The following CILP variants were observed in gnomAD, a reference collection of about 807,000 sequenced individuals.
The protein encoded by CILP is cartilage intermediate layer protein.
A neutral mutation model predicts 82.5 loss-of-function variants in CILP; 75 were observed. The observed-to-expected ratio is 0.91, with a 90% CI of 0.75 to 1.10. CILP has a LOEUF of 1.10. Among genes scored for constraint, CILP ranks in the 50% least tolerant of loss-of-function variants. The pLI is 0.00. For missense variants in CILP, 1,479 were observed against 1,530.8 expected (o/e 0.97, Z 0.56); for synonymous variants, 530 against 580.3 (o/e 0.91, Z 1.25).
rs747315095 is a variant in CILP at position 65,206,892 on chromosome 15, G to A, written c.314C>T (p.Thr105Ile). The change falls in exon 4 of 9, where the codon ACT becomes ATT. Residue 105 changes from threonine (T) to isoleucine (I), a missense_variant. By Grantham distance (89) the Thr-to-Ile change is moderately conservative. Transcript: ENST00000261883. ...GGGACTACCATGGACCACCTGGCCAGTGCTGCCCGCAGGTGTCCAGTCAGT... is the reference window on the plus strand; with the variant it reads ...GGGACTACCATGGACCACCTGGCCAATGCTGCCCGCAGGTGTCCAGTCAGT... ...RTTDWTPAGSTGQVVHGSPRE... is the reference protein window; with the variant it reads ...RTTDWTPAGSIGQVVHGSPRE... The A allele has an allele frequency of 6.2e-7, 1 of 1,614,014 alleles. No individual in the cohort carries two copies.
intron 7 of CILP, among the ~76,000 whole-genome samples, chr15:65,202,296 T>C (rs2140677223): frequency 6.6e-6 from 1 of 152,348 alleles, no homozygotes; most frequent in Admixed American, 6.5e-5. Context: ...TTCAGCTTTC[T>C]GGTCTATAAA....
chr15:65,209,732 C>T lies in CILP; in HGVS notation c.24G>A (p.Val8=), dbSNP rs141650348. 242 of 1,614,104 alleles carry T rather than the reference C, an allele frequency of 1.5e-4. 2 individuals carry two copies. In the African/African-American group the frequency reaches 2.8e-3, roughly 18 times the overall value. The change falls in exon 2 of 9, where the codon GTG becomes GTA. Residue 8 remains valine, a synonymous_variant. Transcript: ENST00000261883. Reference sequence around the variant, plus strand: ...TGACTTCCAGGACCAGGAAGGAGAACACCCAGGCCTTGGTCCCCACCATCT... The same window carrying T: ...TGACTTCCAGGACCAGGAAGGAGAATACCCAGGCCTTGGTCCCCACCATCT... The part of the protein sequence containing the change: MVGTKAW[V]FSFLVLEVTS...
chr15:65,197,251 C>T lies in CILP; in HGVS notation c.3035G>A (p.Gly1012Glu), dbSNP rs139939938. ...SAACLEFKCS[G>E]MLYDQDRVDR... is the part of the protein sequence containing the mutation. ...CACACGGTCCTGATCATAGAGCATCCCACTGCACTTGAACTCCAGACAGGC... is the reference window on the plus strand; with the variant it reads ...CACACGGTCCTGATCATAGAGCATCTCACTGCACTTGAACTCCAGACAGGC... Residue 1012 changes from glycine to glutamate, a missense_variant, in exon 9 of 9, where the codon GGG becomes GAG. Transcript: ENST00000261883. 31 of 1,614,118 alleles carry T rather than the reference C, an allele frequency of 1.9e-5. No individual in the cohort carries two copies. In the African/African-American group the frequency reaches 3.2e-4, roughly 17 times the overall value.
Position 65,198,156 on chromosome 15 carries a change from C to T in CILP, c.2130G>A (p.Glu710=), listed in dbSNP as rs754098502. ...SLNPDTGLWE[E]EGDFKFENQR... is the part of the protein sequence containing the mutation. The stretch of plus-strand genomic sequence containing the variant: ...GATTTTCAAATTTGAAATCACCTTC[C>T]TCCTCCCACAGCCCTGTGTCTGGAT... The change falls in exon 9 of 9, where the codon GAG becomes GAA. Residue 710 remains glutamate (E), a synonymous_variant. Transcript: ENST00000261883. 1.1e-5 allele frequency: 17 copies of T among 1,614,226 alleles called. No individual in the cohort carries two copies. The South Asian group carries it at 1.8e-4, about 17-fold the overall frequency.
Position 65,198,884 on chromosome 15 carries a change from T to G in CILP, c.1402A>C (p.Ser468Arg), listed in dbSNP as rs2088416318. 6.2e-7 allele frequency: 1 copy of G among 1,613,928 alleles called. No individual in the cohort carries two copies. The highest frequency in any genetic ancestry group is 1.7e-5 in the Admixed American group (1 of 60,008). ...ACCTTGGTGGGTAGCGTGTAGCCACTGCACTGGATCTCCCTTTCCTCTGTC... is the reference window on the plus strand; with the variant it reads ...ACCTTGGTGGGTAGCGTGTAGCCACGGCACTGGATCTCCCTTTCCTCTGTC... Reference protein sequence around the residue: ...SKTEEREIQCSGYTLPTKVAK... With the variant: ...SKTEEREIQCRGYTLPTKVAK... The change falls in exon 9 of 9, where the codon AGT becomes CGT. Residue 468 changes from serine (S) to arginine (R), a missense_variant. By Grantham distance (110) the Ser-to-Arg change is moderately radical (BLOSUM62 -1). Transcript: ENST00000261883.
chr15:65,211,221 T>G, intron 1 of CILP, among the ~76,000 whole-genome samples: 1 of 149,346 alleles, frequency 6.7e-6, no homozygotes. Flanking sequence ...TGTCCTCAGG[T>G]GGGGGAGGGA....
Position 65,196,934 on chromosome 15 carries a change from T to G in CILP, c.3352A>C (p.Asn1118His). 3.1e-6 allele frequency: 5 copies of G among 1,613,570 alleles called. No individual in the cohort carries two copies. The highest frequency in any genetic ancestry group is 4.2e-6 in the Non-Finnish European group (5 of 1,179,774). ...CGGCCTACTTGCCTCTCTACACAGT[T>G]GAAGGTGAGGGCTACTCCCACATTG... ...KSNVGVALTF[N>H]CVERQVGRQS... is the part of the protein sequence containing the mutation. Residue 1118 changes from asparagine to histidine, a missense_variant, in exon 9 of 9, where the codon AAC becomes CAC. Transcript: ENST00000261883.
intron 1 of CILP, among the ~76,000 whole-genome samples, chr15:65,210,871 C>T (rs908759698): frequency 2.0e-5 from 3 of 152,172 alleles, no homozygotes; most frequent in African/African-American, 4.8e-5. Context: ...GTCACCAGGA[C>T]GTCCCAAAGG....
chr15:65,208,045 A>G (rs535545369), intron 2 of CILP, among the ~76,000 whole-genome samples: 2 of 152,256 alleles, frequency 1.3e-5, no homozygotes, highest in South Asian at 4.1e-4. Flanking sequence ...TGTAGTGCAC[A>G]CTCAGTGAAT....
chr15:65,197,031 G>A lies in CILP; in HGVS notation c.3255C>T (p.Arg1085=), dbSNP rs769889393. The change falls in exon 9 of 9, where the codon CGC becomes CGT. Residue 1085 remains arginine, a synonymous_variant. Transcript: ENST00000261883. ...GGCCGAGCGCGATCTCCTTGGCCGTGCGAGGGTCCTGGTCAGTGACAGTGT... is the reference window on the plus strand; with the variant it reads ...GGCCGAGCGCGATCTCCTTGGCCGTACGAGGGTCCTGGTCAGTGACAGTGT... The part of the protein sequence containing the change: ...GIYTVTDQDP[R]TAKEIALGRC... 1 of 1,614,222 alleles carries A rather than the reference G, an allele frequency of 6.2e-7. No individual in the cohort carries two copies. The highest frequency in any genetic ancestry group is 1.7e-5 in the Admixed American group (1 of 60,034).
intron 8 of CILP, among the ~76,000 whole-genome samples, chr15:65,200,797 G>A (rs1331145037): frequency 6.6e-6 from 1 of 152,178 alleles, no homozygotes; most frequent in African/African-American, 2.4e-5. Flanking sequence ...AGACTCTCTG[G>A]AGGTAAGACT....
intron 4 of CILP, 75 bp from the exon 5 acceptor site, chr15:65,205,541 G>A: frequency 7.1e-7 from 1 of 1,401,472 alleles, no homozygotes; most frequent in South Asian, 1.4e-5. Context: ...CCCTGAGGCT[G>A]TTTCTTCTCT....
At position 65,195,094 on chromosome 15, in the gene CILP, C is replaced by T. The variant is rs1317592106; in HGVS notation, c.*1637G>A. The T allele has an allele frequency of 6.6e-6, 1 of 152,196 alleles. No individual in the cohort carries two copies. Among genetic ancestry groups the T allele is most frequent in the East Asian group, 1.9e-4 (1 of 5,202 alleles). The allele number at this position is 152,196 out of a possible 1,614,324, so 9.4% of individuals were successfully genotyped here. On this transcript the variant is annotated 3_prime_UTR_variant, in exon 9 of 9. Transcript: ENST00000261883. ...AGTTGCAATCACAAGACCACTAGTCCTCACTCCTGCAGATGCTTGCTTTTT... is the reference window on the plus strand; with the variant it reads ...AGTTGCAATCACAAGACCACTAGTCTTCACTCCTGCAGATGCTTGCTTTTT...
In CILP at chr15:65,194,864, C is replaced by A. The variant is rs991935477; in HGVS notation, c.*1867G>T. The stretch of plus-strand genomic sequence containing the variant: ...CACCTTCCCCAGCAACCCACCCCCC[C>A]CCGACCCTCCCCCTCCCCCCGTGAG... On this transcript the variant is annotated 3_prime_UTR_variant, in exon 9 of 9. Transcript: ENST00000261883. 2.0e-5 allele frequency: 3 copies of A among 146,358 alleles called. No individual in the cohort carries two copies. Among genetic ancestry groups the A allele is most frequent in the South Asian group, 2.3e-4 (1 of 4,412 alleles). The allele number at this position is 146,358 out of a possible 1,614,324, so 9.1% of individuals were successfully genotyped here. A position where few individuals can be genotyped will look rare whatever the true frequency, so the allele number is the denominator to read the frequency against.
chr15:65,198,258 G>A lies in CILP; in HGVS notation c.2028C>T (p.Gly676=), dbSNP rs1449610303. 1.2e-6 allele frequency: 2 copies of A among 1,614,240 alleles called. No individual in the cohort carries two copies. Among genetic ancestry groups the A allele is most frequent in the Non-Finnish European group, 1.7e-6 (2 of 1,180,048 alleles). Residue 676 remains glycine, a synonymous_variant, in exon 9 of 9, where the codon GGC becomes GGT. Transcript: ENST00000261883. ...TCGAGTCAAGGTGGACCTTCACTTT[G>A]CCAGCATTAAGTGGCTCTGAGGTGA... ...DEVTSEPLNA[G]KVKVHLDSTQ...
Position 65,209,794 on chromosome 15 carries a change from T to G in CILP, c.-39A>C, listed in dbSNP as rs16948565. The G allele has an allele frequency of 2.6e-3, 4,181 of 1,596,676 alleles. 91 individuals carry two copies. In the African/African-American group the frequency reaches 0.048, roughly 18 times the overall value. On this transcript the variant is annotated 5_prime_UTR_variant, in exon 2 of 9. Coordinates refer to ENST00000261883, the MANE Select transcript of CILP (RefSeq NM_003613.4). ...CCGTGGGAACGTGGCAAGAGGTAGA[T>G]GTGGGTGCTTCACAGAGTCACTGAC...
chr15:65,204,757 A>T (rs899840564), intron 5 of CILP, among the ~76,000 whole-genome samples, 175 bp from the exon 6 acceptor site: 1 of 152,084 alleles, frequency 6.6e-6, no homozygotes, highest in African/African-American at 2.4e-5. Context: ...GGTGGCTCAC[A>T]CCTGTAATCC....
chr15:65,205,634 C>A (rs527901306), intron 4 of CILP, among the ~76,000 whole-genome samples, 168 bp from the exon 5 acceptor site: 2 of 152,210 alleles, frequency 1.3e-5, no homozygotes, highest in African/African-American at 2.4e-5. Flanking sequence ...AGACAAAATT[C>A]TTGAGGAAGT....
chr15:65,197,838 G>T lies in CILP; in HGVS notation c.2448C>A (p.Ser816=), dbSNP rs374145789. ...ACVPAFCDDQ[S]PDAYSAYVLA... Reference sequence around the variant, plus strand: ...AGACATAGGCAGAGTAGGCATCAGGGGACTGGTCATCACAGAAGGCAGGCA... The same window carrying T: ...AGACATAGGCAGAGTAGGCATCAGGTGACTGGTCATCACAGAAGGCAGGCA... The change falls in exon 9 of 9, where the codon TCC becomes TCA. Residue 816 remains serine (S), a synonymous_variant. Coordinates refer to ENST00000261883, the MANE Select transcript of CILP (RefSeq NM_003613.4). 1.9e-6 allele frequency: 3 copies of T among 1,613,964 alleles called. No individual in the cohort carries two copies. The highest frequency in any genetic ancestry group is 2.5e-6 in the Non-Finnish European group (3 of 1,180,032).
Sources: allele counts gnomAD v4.1 joint callset (sites outside exome capture counted in the v4.1 genomes callset), GRCh38; gene constraint gnomAD v4.1.1; transcripts MANE v1.5; gene names NCBI Gene and HGNC (gene_info 2026-07-23, HGNC 2026-07-21).